The following SNX29 variants were observed in gnomAD, a reference collection of about 807,000 sequenced individuals.
SNX29 encodes sorting nexin-29.
SNX29 carries 78 observed loss-of-function variants against 102.1 expected under a neutral mutation model. The ratio of observed to expected loss-of-function variants is 0.76; its 90% CI spans 0.64 to 0.92. The LOEUF (loss-of-function observed/expected upper bound fraction) is 0.92. Ranked by LOEUF, SNX29 falls within the 40% of genes least tolerant of loss-of-function variation. The pLI is 0.00. For missense variants in SNX29, 1,280 were observed against 1,061.7 expected (o/e 1.21, Z -2.86); for synonymous variants, 580 against 414.5 (o/e 1.40, Z -4.85).
chr16:12,085,396 G>T (rs564397520), intron 11 of SNX29, among the ~76,000 whole-genome samples: 1 of 152,102 alleles, frequency 6.6e-6, no homozygotes, highest in Non-Finnish European at 1.5e-5. Flanking sequence ...GTGTAATCTC[G>T]GCTCACTGCA....
In SNX29 at chr16:12,362,587, C is replaced by T. The variant is rs887043122; in HGVS notation, c.1899+6308C>T. 2.0e-4 allele frequency among the ~76,000 whole-genome samples: 22 copies of T among 111,760 alleles called. No individual in the cohort carries two copies. In the East Asian group the frequency reaches 5.8e-3, roughly 30 times the overall value. The allele number at this position is 111,760 out of a possible 152,430, so 73.3% of individuals were successfully genotyped here. A position where few individuals can be genotyped will look rare whatever the true frequency, so the allele number is the denominator to read the frequency against. The stretch of plus-strand genomic sequence containing the variant: ...ACCCCCCCCCCCACCAGTTTCTCCT[C>T]ATGCTCCCCCAGGGTGCTGGACCTC... On this transcript the variant is annotated intron_variant, in intron 16 of 20. Transcript: ENST00000566228.
intron 15 of SNX29, among the ~76,000 whole-genome samples, chr16:12,284,575 T>C (rs1286971623): frequency 6.6e-6 from 1 of 152,254 alleles, no homozygotes; most frequent in Non-Finnish European, 1.5e-5. Flanking sequence ...TCTGGAGTTG[T>C]ATAAGAATGC....
chr16:12,236,753 C>T (rs1300777614), intron 14 of SNX29, among the ~76,000 whole-genome samples: 1 of 152,210 alleles, frequency 6.6e-6, no homozygotes, highest in African/African-American at 2.4e-5. Context: ...TCCCTTGGCC[C>T]TGTGCTGACA....
chr16:12,396,801 A>G (rs2083739643), intron 16 of SNX29, among the ~76,000 whole-genome samples: 1 of 152,224 alleles, frequency 6.6e-6, no homozygotes, highest in Admixed American at 6.5e-5. Flanking sequence ...GTAATGTGAT[A>G]CACACTTAAA....
intron 14 of SNX29, among the ~76,000 whole-genome samples, chr16:12,219,049 C>G (rs1471492235): frequency 2.0e-5 from 3 of 152,176 alleles, no homozygotes. Context: ...GCTGGGATTA[C>G]AGGTGTGAGC....
At chr16:12,123,384 A>G (rs2054061931) in intron 11 of SNX29, among the ~76,000 whole-genome samples, 1 of 152,202 alleles carries the variant, frequency 6.6e-6, no homozygotes, top group South Asian at 2.1e-4. Flanking sequence ...GATCTGCAGA[A>G]CTTACTCATC....
At chr16:12,331,269 A>G (rs568021272) in intron 15 of SNX29, among the ~76,000 whole-genome samples, 2 of 152,338 alleles carry the variant, frequency 1.3e-5, no homozygotes, top group East Asian at 3.9e-4. Flanking sequence ...TTTACAGGAC[A>G]GAGCCTTCTC....
intron 15 of SNX29, among the ~76,000 whole-genome samples, chr16:12,284,672 C>A (rs767571512): frequency 6.6e-6 from 1 of 151,944 alleles, no homozygotes; most frequent in Non-Finnish European, 1.5e-5. Context: ...TGATAAGACT[C>A]TAATTGTTTT....
chr16:12,347,118 C>T (rs1271891336), intron 15 of SNX29, among the ~76,000 whole-genome samples: 1 of 151,982 alleles, frequency 6.6e-6, no homozygotes, highest in Admixed American at 6.6e-5. Flanking sequence ...TGCTGAGGGG[C>T]TTGTTGCAGA....
At chr16:12,450,818 G>A (rs2086269926) in intron 18 of SNX29, among the ~76,000 whole-genome samples, 1 of 152,066 alleles carries the variant, frequency 6.6e-6, no homozygotes, top group Non-Finnish European at 1.5e-5. Context: ...GGTCGATCAG[G>A]GACCATTTGG....
chr16:12,401,494 G>T (rs2083941578), intron 17 of SNX29, among the ~76,000 whole-genome samples: 1 of 150,582 alleles, frequency 6.6e-6, no homozygotes, highest in South Asian at 2.1e-4. Flanking sequence ...CTCCCAAGTA[G>T]CTGGGACTAC....
Position 12,269,263 on chromosome 16 carries a change from G to A in SNX29, c.1679-8670G>A, listed in dbSNP as rs559641481. On this transcript the variant is annotated intron_variant, in intron 14 of 20. Transcript: ENST00000566228. ...GGTAAGTAGACTGCGGATTTTTCCC[G>A]TGAATAAGGTAGATGTTAACTAGGT... 9.2e-5 allele frequency among the ~76,000 whole-genome samples: 14 copies of A among 152,272 alleles called. No homozygotes were observed. In the East Asian group the frequency reaches 1.5e-3, roughly 17 times the overall value.
chr16:12,196,381 T>C (rs1169337718), intron 13 of SNX29, among the ~76,000 whole-genome samples: 1 of 150,662 alleles, frequency 6.6e-6, no homozygotes, highest in Non-Finnish European at 1.5e-5. Context: ...GAATATTAAG[T>C]GCCCTACTCA....
chr16:12,003,110 C>T (rs2056346289), intron 3 of SNX29, 67 bp downstream of exon 3: 7 of 1,593,540 alleles, frequency 4.4e-6, no homozygotes, highest in Non-Finnish European at 6.0e-6. Flanking sequence ...TGGCCGGCTT[C>T]TAAAACCGTT....
rs1208769300 is a variant in SNX29, at chr16:12,571,402, A to G, written c.*2773A>G. Reference sequence around the variant, plus strand: ...CACCCCTGAGGAAAGGATTGCTTGCACCTCACATCTGTCTTCTTCTAAGAT... The same window carrying G: ...CACCCCTGAGGAAAGGATTGCTTGCGCCTCACATCTGTCTTCTTCTAAGAT... On this transcript the variant is annotated 3_prime_UTR_variant, in exon 21 of 21. Coordinates refer to ENST00000566228, the MANE Select transcript of SNX29 (RefSeq NM_032167.5). 4.3e-6 allele frequency: 1 copy of G among 231,946 alleles called. No homozygotes were observed. Among genetic ancestry groups the G allele is most frequent in the Admixed American group, 5.7e-5 (1 of 17,696 alleles). 14.4% of individuals were successfully genotyped at this position (231,946 alleles called of 1,614,324 possible).
intron 19 of SNX29, among the ~76,000 whole-genome samples, chr16:12,514,451 C>T (rs962980424): frequency 6.6e-6 from 1 of 152,218 alleles, no homozygotes; most frequent in African/African-American, 2.4e-5. Context: ...GATATAAGGG[C>T]ACTGGCTCAG....
chr16:12,380,041 ACTC>A (rs2083015515), intron 16 of SNX29, among the ~76,000 whole-genome samples: 1 of 151,546 alleles, frequency 6.6e-6, no homozygotes, highest in African/African-American at 2.4e-5. Context: ...TGAAGACAGA[ACTC>A]CTAAGAATTC....
chr16:12,388,920 T>C (rs1567512947), intron 16 of SNX29, among the ~76,000 whole-genome samples: 1 of 152,212 alleles, frequency 6.6e-6, no homozygotes, highest in Non-Finnish European at 1.5e-5. Flanking sequence ...TCTTACAGGC[T>C]GGTGTCACTA....
intron 3 of SNX29, among the ~76,000 whole-genome samples, chr16:12,007,767 T>A (rs1596575817): frequency 1.3e-5 from 2 of 152,096 alleles, no homozygotes; most frequent in African/African-American, 4.8e-5. Context: ...TTCCACCACA[T>A]TGAATGCAGA....
Sources: allele counts gnomAD v4.1 joint callset (sites outside exome capture counted in the v4.1 genomes callset), GRCh38; gene constraint gnomAD v4.1.1; transcripts MANE v1.5; gene names NCBI Gene and HGNC (gene_info 2026-07-23, HGNC 2026-07-21).